The following FLT1 variants were observed in gnomAD, a reference collection of about 807,000 sequenced individuals.
The protein encoded by FLT1 is vascular endothelial growth factor receptor 1.
In FLT1, 49 loss-of-function variants were observed where a neutral mutation model predicts 156.3. The ratio of observed to expected loss-of-function variants is 0.31; its 90% confidence interval spans 0.25 to 0.40. The LOEUF (loss-of-function observed/expected upper bound fraction) is 0.40, where lower values mean the gene tolerates loss of function less well. FLT1 is among the 10% of genes least tolerant of loss of function. The pLI, the probability that FLT1 is intolerant of heterozygous loss-of-function variation, is 1.00. For synonymous variants in FLT1, 594 were observed against 583.8 expected, an observed-to-expected ratio of 1.02 and a Z score of -0.25; for missense variants, 1,322 against 1,637.2, an observed-to-expected ratio of 0.81 and a Z score of 3.32.
At position 28,416,537 on chromosome 13, in the gene FLT1, A is replaced by T. The variant is rs1425326918; in HGVS notation, c.1436+10622T>A. ...ACTAGTGTCCTAATAAGATACTCAAACTCTCTACCTGATCTGGAAAATGGT... is the reference window on the plus strand; with the variant it reads ...ACTAGTGTCCTAATAAGATACTCAATCTCTCTACCTGATCTGGAAAATGGT... On this transcript the variant is annotated intron_variant, in intron 10 of 29. Transcript: ENST00000282397. Among the ~76,000 whole-genome samples, 4 of 152,170 alleles carry T rather than the reference A, an allele frequency of 2.6e-5. No individual in the cohort carries two copies. The East Asian group carries it at 7.7e-4, about 29-fold the overall frequency.
chr13:28,323,305 A>C (rs545255296), intron 20 of FLT1, among the ~76,000 whole-genome samples: 10 of 152,284 alleles, frequency 6.6e-5, no homozygotes, highest in Admixed American at 6.5e-4. Context: ...TTATTTATAC[A>C]TGGAGAAACA....
At chr13:28,344,092 C>T (rs1430684801) in intron 16 of FLT1, among the ~76,000 whole-genome samples, 1 of 152,018 alleles carries the variant, frequency 6.6e-6, no homozygotes, top group African/African-American at 2.4e-5. Flanking sequence ...TGCCCCACTC[C>T]CCCCATTCCT....
rs568060519 is a variant in FLT1, at chr13:28,384,520, C to T, written c.2116+365G>A. 1.1e-3 allele frequency among the ~76,000 whole-genome samples: 164 copies of T among 151,866 alleles called. 2 individuals are homozygous for T. Among genetic ancestry groups the T allele is most frequent in the Middle Eastern group, 6.8e-3 (2 of 292 alleles). ...CTACTTTTCTGAACTTCACATATGC[C>T]AGGTGTTCCAAGTTCTACAATACCT... is the stretch of plus-strand genomic sequence containing the variant. On this transcript the variant is annotated intron_variant, in intron 14 of 29. Coordinates refer to ENST00000282397, the MANE Select transcript of FLT1 (RefSeq NM_002019.4).
intron 28 of FLT1, 80 bp downstream of exon 28, chr13:28,308,763 A>G (rs929703771): frequency 3.8e-5 from 33 of 873,046 alleles, no homozygotes; most frequent in Admixed American, 2.9e-4. Context: ...GAACTACTAC[A>G]TTACTGGCGT....
intron 1 of FLT1, among the ~76,000 whole-genome samples, chr13:28,472,995 A>G (rs1454056328): frequency 6.6e-6 from 1 of 152,246 alleles, no homozygotes; most frequent in Non-Finnish European, 1.5e-5. Flanking sequence ...TAAGCCCATG[A>G]AAAGATAAAG....
intron 17 of FLT1, among the ~76,000 whole-genome samples, chr13:28,334,770 A>C (rs2138846360): frequency 6.6e-6 from 1 of 152,316 alleles, no homozygotes. Flanking sequence ...TAGTTGCTAA[A>C]TGCAATAACT....
chr13:28,473,820 A>G (rs1161350176), intron 1 of FLT1, among the ~76,000 whole-genome samples: 1 of 125,058 alleles, frequency 8.0e-6, no homozygotes, highest in African/African-American at 3.6e-5. Flanking sequence ...GAAAGAAAGA[A>G]AGAAAGAAAG....
chr13:28,378,249 A>G (rs1450512196), intron 14 of FLT1, among the ~76,000 whole-genome samples: 5 of 152,056 alleles, frequency 3.3e-5, no homozygotes, highest in Admixed American at 2.0e-4. Flanking sequence ...AGGTTTCACC[A>G]TGTTGGCCAG....
chr13:28,304,093 C>G (rs1015543563), intron 29 of FLT1, among the ~76,000 whole-genome samples: 2 of 152,254 alleles, frequency 1.3e-5, no homozygotes, highest in East Asian at 3.9e-4. Flanking sequence ...GGCAGGGAAC[C>G]CGTGAAGCTT....
intron 18 of FLT1, among the ~76,000 whole-genome samples, chr13:28,330,504 A>G (rs1456650782): frequency 6.6e-6 from 1 of 151,176 alleles, no homozygotes; most frequent in African/African-American, 2.4e-5. Flanking sequence ...ACTCCGACCC[A>G]CTTGCCTTCT....
chr13:28,336,048 T>C (rs1872104640), intron 17 of FLT1, among the ~76,000 whole-genome samples: 1 of 152,228 alleles, frequency 6.6e-6, no homozygotes, highest in East Asian at 1.9e-4. Context: ...AAAAGTGTCC[T>C]GAGCCTGAGA....
Position 28,390,032 on chromosome 13 carries a change from G to A in FLT1, c.1733C>T (p.Thr578Ile), listed in dbSNP as rs2137459660. ...TEGEDLKLSCTVNKFLYRDVT... is the reference protein window; with the variant it reads ...TEGEDLKLSCIVNKFLYRDVT... ...GTCTCTGTATAAGAACTTGTTAACT[G>A]TGCAAGACAGTTTCAGGTCCTCTCC... The change falls in exon 13 of 30, where the codon ACA becomes ATA. Residue 578 changes from threonine to isoleucine, a missense_variant. By Grantham distance (89) the Thr-to-Ile change is moderately conservative. This residue lies in a region of FLT1 where 991 missense variants were observed against 1,254.8 expected (regional missense o/e 0.79). Transcript: ENST00000282397. 8 of 1,614,156 alleles carry A rather than the reference G, an allele frequency of 5.0e-6. No homozygotes were observed. The highest frequency in any genetic ancestry group is 6.8e-6 in the Non-Finnish European group (8 of 1,180,022).
chr13:28,407,165 C>T (rs564904134), intron 10 of FLT1, among the ~76,000 whole-genome samples: 12 of 152,236 alleles, frequency 7.9e-5, no homozygotes, highest in South Asian at 4.1e-4. Context: ...CCGAGCATGC[C>T]GTCGGCGCCC....
At chr13:28,447,031 TAA>T (rs1240185489) in intron 3 of FLT1, among the ~76,000 whole-genome samples, 2 of 151,962 alleles carry the variant, frequency 1.3e-5, no homozygotes, top group Non-Finnish European at 2.9e-5. Context: ...GGGGAAAGAA[TAA>T]TCTTTTCAAC....
chr13:28,351,310 C>T (rs1872728944), intron 15 of FLT1, among the ~76,000 whole-genome samples: 1 of 152,176 alleles, frequency 6.6e-6, no homozygotes, highest in Non-Finnish European at 1.5e-5. Flanking sequence ...AAGAGAAGGA[C>T]ATGTTTCTTG....
intron 1 of FLT1, among the ~76,000 whole-genome samples, chr13:28,493,625 T>A (rs897770058): frequency 6.6e-6 from 1 of 152,218 alleles, no homozygotes; most frequent in Non-Finnish European, 1.5e-5. Context: ...ATATTTTACC[T>A]TTTCTCCACG....
chr13:28,403,100 A>G (rs747618167), intron 11 of FLT1, among the ~76,000 whole-genome samples: 5 of 152,082 alleles, frequency 3.3e-5, no homozygotes. Context: ...GGCCTTCATT[A>G]TGTTATTTCA....
At chr13:28,410,194 C>G (rs1489666663) in intron 10 of FLT1, among the ~76,000 whole-genome samples, 1 of 152,178 alleles carries the variant, frequency 6.6e-6, no homozygotes, top group Non-Finnish European at 1.5e-5. Flanking sequence ...CTCCTCCTGC[C>G]TTCCTCTCCC....
At position 28,397,047 on chromosome 13, in the gene FLT1, C is replaced by T. The variant is rs2137473490; in HGVS notation, c.1573G>A (p.Ala525Thr). The T allele has an allele frequency of 2.5e-6, 4 of 1,612,946 alleles. No individual in the cohort carries two copies. The highest frequency in any genetic ancestry group is 1.3e-5 in the African/African-American group (1 of 75,000). Residue 525 changes from alanine to threonine, a missense_variant, in exon 12 of 30, where the codon GCT becomes ACT. Transcript: ENST00000282397. ...KNKMASTLVV[A>T]DSRISGIYIC... ...TAGATTCCAGAAATTCTAGAGTCAG[C>T]CACAACCAAGGTGCTAGCCATCTGC...
Sources: gnomAD v4.1 joint callset for allele counts (sites outside exome capture counted in the v4.1 genomes callset) on GRCh38, gnomAD v4.1.1 for gene constraint, gnomAD v4.1.1 regional missense constraint, MANE v1.5 for transcripts, NCBI Gene and HGNC (gene_info 2026-07-23, HGNC 2026-07-21) for gene names.